The following DIS3L variants were observed in gnomAD, a reference collection of about 807,000 sequenced individuals.
The protein encoded by DIS3L is DIS3-like exonuclease 1.
In DIS3L, 100 loss-of-function variants were observed where a neutral mutation model predicts 120.3. The observed-to-expected ratio is 0.83, with a 90% CI of 0.71 to 0.98. DIS3L has a LOEUF of 0.98. DIS3L is among the 50% of genes least tolerant of loss of function. The pLI is 0.00. For missense variants in DIS3L, 1,196 were observed against 1,314.2 expected (o/e 0.91, Z 1.39); for synonymous variants, 426 against 470.6 (o/e 0.91, Z 1.23).
At chr15:66,294,515 C>CA in intron 1 of DIS3L, 1 of 988,872 alleles carries the variant, frequency 1.0e-6, no homozygotes, top group Non-Finnish European at 1.2e-6. Flanking sequence ...AACCTCACCT[C>CA]TGCACGTTGC....
chr15:66,305,434 T>C (rs1002690273), intron 2 of DIS3L, among the ~76,000 whole-genome samples: 5 of 152,160 alleles, frequency 3.3e-5, no homozygotes, highest in African/African-American at 1.2e-4. Context: ...TTAAAACCTA[T>C]GGTGGCAGGC....
chr15:66,332,163 A>C, intron 15 of DIS3L, 143 bp downstream of exon 15: 1 of 913,220 alleles, frequency 1.1e-6, no homozygotes, highest in Non-Finnish European at 1.5e-6. Flanking sequence ...TCAGTATATA[A>C]ATGTGAAGAT....
rs78163490 is a variant in DIS3L at position 66,296,167 on chromosome 15, A to G, written c.293+1026A>G. 3.3e-3 allele frequency among the ~76,000 whole-genome samples: 500 copies of G among 152,334 alleles called. 3 individuals are homozygous for G. Among genetic ancestry groups the G allele is most frequent in the African/African-American group, 0.011 (476 of 41,568 alleles). ...ATTTCAGTTTCTGCTACTAAAATCAATTTGTTGTTATCATTCAGATTGCTA... is the reference window on the plus strand; with the variant it reads ...ATTTCAGTTTCTGCTACTAAAATCAGTTTGTTGTTATCATTCAGATTGCTA... On this transcript the variant is annotated intron_variant, in intron 2 of 16. Coordinates refer to ENST00000319212, the MANE Select transcript of DIS3L (RefSeq NM_001143688.3).
chr15:66,325,783 G>A, intron 11 of DIS3L, 48 bp from the exon 12 acceptor site: 2 of 1,542,900 alleles, frequency 1.3e-6, no homozygotes, highest in East Asian at 4.5e-5. Flanking sequence ...AACAAAAAAA[G>A]CCAGATGAAT....
chr15:66,317,344 GGAAAAAAAAAAAA>G (rs1566948990), intron 7 of DIS3L, among the ~76,000 whole-genome samples: 5 of 79,084 alleles, frequency 6.3e-5, no homozygotes, highest in Non-Finnish European at 1.2e-4. Flanking sequence ...AATATTTGTG[GGAAAAAAAAAAAA>G]AAAAAGAAAA....
In DIS3L at chr15:66,295,135, G is replaced by A. The variant is rs1227528991; in HGVS notation, c.287G>A (p.Gly96Asp). 1 of 1,613,476 alleles carries A rather than the reference G, an allele frequency of 6.2e-7. No homozygotes were observed. The highest frequency in any genetic ancestry group is 1.7e-5 in the Admixed American group (1 of 59,952). ...TACQAVQHQR[G>D]RRQYNKLRNL... is the part of the protein sequence containing the mutation. ...TGTCAAGCTGTGCAGCATCAAAGAG[G>A]CAGGAGGTATACGTTTTGCATTCTT... Residue 96 changes from glycine (G) to aspartate (D), a missense_variant, in exon 2 of 17, where the codon GGC becomes GAC. By Grantham distance (94) the Gly-to-Asp change is moderately conservative. Coordinates refer to ENST00000319212, the MANE Select transcript of DIS3L (RefSeq NM_001143688.3).
chr15:66,332,550 G>C (rs1316955578), intron 15 of DIS3L, among the ~76,000 whole-genome samples, 186 bp from the exon 16 acceptor site: 3 of 143,440 alleles, frequency 2.1e-5, no homozygotes, highest in Admixed American at 6.9e-5. Context: ...ATCCATTTTA[G>C]GGTCTTTCTT....
intron 7 of DIS3L, among the ~76,000 whole-genome samples, chr15:66,317,211 C>T (rs1219341835): frequency 5.3e-5 from 8 of 150,714 alleles, no homozygotes; most frequent in East Asian, 1.9e-4. Flanking sequence ...GTCTATTTTC[C>T]ACCCCCACAG....
At chr15:66,332,593 G>A (rs2093012799) in intron 15 of DIS3L, 143 bp from the exon 16 acceptor site, 1 of 785,024 alleles carries the variant, frequency 1.3e-6, no homozygotes. Context: ...CATCTGCTAA[G>A]GTGAAATAAA....
Position 66,293,666 on chromosome 15 carries a change from G to C in DIS3L, c.70G>C (p.Glu24Gln), listed in dbSNP as rs2092547509. The C allele has an allele frequency of 7.0e-7, 1 of 1,427,392 alleles. No homozygotes were observed. The highest frequency in any genetic ancestry group is 9.2e-7 in the Non-Finnish European group (1 of 1,089,572). The allele number at this position is 1,427,392 out of a possible 1,614,324, so 88.4% of individuals were successfully genotyped here. The change falls in exon 1 of 17, where the codon GAG (glutamate) becomes CAG (glutamine). Residue 24 changes from glutamate (E) to glutamine (Q), a missense_variant. Glu to Gln is a conservative substitution (Grantham distance 29). Coordinates refer to ENST00000319212, the MANE Select transcript of DIS3L (RefSeq NM_001143688.3). ...FQGRTLRIVR[E>Q]HYLRPCVPCH... is the part of the protein sequence containing the mutation. ...GGGCCGCACGCTGCGGATCGTGCGC[G>C]AGCACTACCTGCGGCCCTGCGTGCC...
At chr15:66,327,772 T>C (rs1372291039) in intron 12 of DIS3L, among the ~76,000 whole-genome samples, 1 of 151,596 alleles carries the variant, frequency 6.6e-6, no homozygotes, top group Non-Finnish European at 1.5e-5. Context: ...AAATAAAAAC[T>C]AAGTATAGGC....
chr15:66,332,514 G>GTGTGTGTGTGTGTA (rs1436427790), intron 15 of DIS3L, among the ~76,000 whole-genome samples: 4 of 74,730 alleles, frequency 5.4e-5, no homozygotes, highest in Admixed American at 1.6e-4. Context: ...GTGTGTGTGT[G>GTGTGTGTGTGTGTA]TATATATATA....
rs112188948 is a variant in DIS3L at position 66,303,885 on chromosome 15, A to G, written c.294-2939A>G. Among the ~76,000 whole-genome samples, 95 of 151,292 alleles carry G rather than the reference A, an allele frequency of 6.3e-4. 2 individuals are homozygous for G. The highest frequency in any genetic ancestry group is 3.4e-3 in the Middle Eastern group (1 of 292). ...GGCGGGTGGATCATGAGGTCAGGAG[A>G]TCGAGACCATCCTGGCTAACACGGT... On this transcript the variant is annotated intron_variant, in intron 2 of 16. Transcript: ENST00000319212.
At chr15:66,307,974 A>G (rs752568115) in intron 3 of DIS3L, among the ~76,000 whole-genome samples, 22 of 152,236 alleles carry the variant, frequency 1.4e-4, no homozygotes, top group Non-Finnish European at 2.9e-4. Context: ...GGAGTTCGAG[A>G]CCGGCCTGGA....
intron 1 of DIS3L, 142 bp downstream of exon 1, chr15:66,293,877 C>T (rs1003548801): frequency 3.5e-6 from 3 of 857,052 alleles, no homozygotes; most frequent in African/African-American, 1.2e-4. Context: ...TCGCCGGCCT[C>T]ACCCCCCGGC....
intron 1 of DIS3L, chr15:66,294,257 G>A: frequency 1.0e-6 from 1 of 985,468 alleles, no homozygotes; most frequent in Non-Finnish European, 1.2e-6. Context: ...AACTCTCTGG[G>A]CCCGCACTGG....
intron 10 of DIS3L, 107 bp from the exon 11 acceptor site, chr15:66,323,386 G>A (rs2092905445): frequency 3.8e-6 from 4 of 1,045,172 alleles, no homozygotes; most frequent in Non-Finnish European, 5.9e-6. Context: ...ACAGCCTTGG[G>A]GAATCTGTAG....
Position 66,333,190 on chromosome 15 carries a change from G to A in DIS3L, c.3043G>A (p.Val1015Ile). The A allele has an allele frequency of 6.2e-7, 1 of 1,614,038 alleles. No individual in the cohort carries two copies. Residue 1015 changes from valine to isoleucine, a missense_variant, in exon 17 of 17, where the codon GTA (valine) becomes ATA (isoleucine). Physicochemically the swap from Val to Ile is conservative, Grantham distance 29 (BLOSUM62 3). Transcript: ENST00000319212. ...EEAQLAQEVK[V>I]NIIQEEYQEY... ...AGCTCAGCTTGCCCAAGAAGTCAAA[G>A]TAAACATCATTCAGGAGGAATATCA...
At chr15:66,293,978 C>G in intron 1 of DIS3L, 1 of 992,158 alleles carries the variant, frequency 1.0e-6, no homozygotes, top group Non-Finnish European at 1.2e-6. Context: ...ATGGGAGGGC[C>G]CGACAGACCC....
Sources: allele counts gnomAD v4.1 joint callset (sites outside exome capture counted in the v4.1 genomes callset), GRCh38; gene constraint gnomAD v4.1.1; transcripts MANE v1.5; gene names NCBI Gene and HGNC (gene_info 2026-07-23, HGNC 2026-07-21).